Variants in ATE1 observed in about 807,000 individuals in gnomAD.
The protein encoded by ATE1 is arginyltransferase 1, also known as arginyl-tRNA--protein transferase 1.
Under a neutral mutation model 70.5 loss-of-function variants are expected in ATE1, and 36 were observed. That is an observed-to-expected ratio of 0.51 (90% CI 0.39 to 0.67). The LOEUF is 0.67. Among genes scored for constraint, ATE1 ranks in the 30% least tolerant of loss-of-function variants. The pLI, the probability that ATE1 is intolerant of heterozygous loss-of-function variation, is 0.00. For synonymous variants in ATE1, 232 were observed against 219.3 expected (o/e 1.06, Z -0.51); for missense variants, 593 against 629.5 (o/e 0.94, Z 0.62).
At chr10:121,911,224 T>A in intron 4 of ATE1, 73 bp from the exon 5 acceptor site, 1 of 1,530,772 alleles carries the variant, frequency 6.5e-7, no homozygotes, top group Non-Finnish European at 8.8e-7. Flanking sequence ...AGAAATACAA[T>A]GTTCCTATTA....
chr10:121,767,622 T>G (rs1590243015), intron 11 of ATE1, among the ~76,000 whole-genome samples: 1 of 152,292 alleles, frequency 6.6e-6, no homozygotes, highest in Middle Eastern at 3.4e-3. Flanking sequence ...ACTAAGTTTC[T>G]TCGCCAAAGA....
intron 10 of ATE1, among the ~76,000 whole-genome samples, chr10:121,807,877 T>C (rs773211953): frequency 4.4e-4 from 67 of 152,308 alleles, no homozygotes; most frequent in Non-Finnish European, 7.5e-4. Flanking sequence ...TCAATGTCCA[T>C]AGAGAAAGTT....
chr10:121,855,117 T>G (rs1949197560), intron 8 of ATE1, among the ~76,000 whole-genome samples: 1 of 152,154 alleles, frequency 6.6e-6, no homozygotes, highest in Non-Finnish European at 1.5e-5. Context: ...TAAAAGCTTT[T>G]GTATTCAACT....
At chr10:121,911,444 A>T (rs1368213522) in intron 4 of ATE1, among the ~76,000 whole-genome samples, 1 of 111,904 alleles carries the variant, frequency 8.9e-6, no homozygotes, top group Non-Finnish European at 2.2e-5. Flanking sequence ...CAGTAAATTA[A>T]AAAAAAAAAA....
intron 5 of ATE1, among the ~76,000 whole-genome samples, chr10:121,904,669 A>C (rs1338935133): frequency 6.7e-6 from 1 of 148,498 alleles, no homozygotes; most frequent in Admixed American, 6.7e-5. Flanking sequence ...AAAAATCCCA[A>C]AACAGGGTAC....
intron 11 of ATE1, among the ~76,000 whole-genome samples, chr10:121,788,597 C>T (rs995542340): frequency 6.6e-6 from 1 of 152,196 alleles, no homozygotes; most frequent in African/African-American, 2.4e-5. Flanking sequence ...TACTGCGTCC[C>T]TTTCCCCACC....
rs568581394 is a variant in ATE1 at position 121,836,477 on chromosome 10, CT to C, written c.1257+240del. On this transcript the variant is annotated intron_variant, in intron 10 of 11. Coordinates refer to ENST00000224652, the MANE Select transcript of ATE1 (RefSeq NM_001001976.3). ...AGTTTCATTAACGAGAGTCATAAAACTTTTTTTTAAAGGGAAATTCTGAAAT... is the reference window on the plus strand; with the variant it reads ...AGTTTCATTAACGAGAGTCATAAAACTTTTTTTAAAGGGAAATTCTGAAAT... Among the ~76,000 whole-genome samples the C allele has an allele frequency of 2.2e-4, 34 of 152,066 alleles. No individual in the cohort carries two copies. In the East Asian group the frequency reaches 5.8e-3, roughly 26 times the overall value.
intron 11 of ATE1, among the ~76,000 whole-genome samples, chr10:121,767,354 T>C (rs993442120): frequency 1.3e-5 from 2 of 152,322 alleles, no homozygotes; most frequent in African/African-American, 4.8e-5. Context: ...TCTCCTTTCA[T>C]CATTTTTATT....
At chr10:121,871,650 T>C (rs1212711766) in intron 7 of ATE1, among the ~76,000 whole-genome samples, 1 of 151,760 alleles carries the variant, frequency 6.6e-6, no homozygotes, top group Admixed American at 6.6e-5. Context: ...CACTAACACA[T>C]ACCAAAGCCA....
At chr10:121,782,426 C>A (rs1946033071) in intron 11 of ATE1, 1 of 152,172 alleles carries the variant, frequency 6.6e-6, no homozygotes, top group Admixed American at 6.5e-5. Flanking sequence ...TTGCCCCCTT[C>A]TATATGTATT....
At chr10:121,888,803 T>C (rs1382135960) in intron 7 of ATE1, among the ~76,000 whole-genome samples, 1 of 151,992 alleles carries the variant, frequency 6.6e-6, no homozygotes, top group Non-Finnish European at 1.5e-5. Context: ...GCGATGAGAG[T>C]TAACAGTCTA....
chr10:121,847,960 A>G (rs769167147), intron 8 of ATE1, among the ~76,000 whole-genome samples: 4 of 151,642 alleles, frequency 2.6e-5, no homozygotes, highest in Non-Finnish European at 4.4e-5. Context: ...AATCCCAGCT[A>G]CTCGGGAGGC....
intron 4 of ATE1, among the ~76,000 whole-genome samples, chr10:121,912,422 C>T (rs959554684): frequency 1.3e-5 from 2 of 151,540 alleles, no homozygotes; most frequent in Non-Finnish European, 2.9e-5. Context: ...GAGGCCAAGG[C>T]GGGCAGGTCA....
At chr10:121,874,010 A>T (rs1949948693) in intron 7 of ATE1, among the ~76,000 whole-genome samples, 1 of 152,162 alleles carries the variant, frequency 6.6e-6, no homozygotes. Context: ...ATATACTTCC[A>T]GTTATATTTC....
chr10:121,764,153 C>T (rs10788203), intron 11 of ATE1, among the ~76,000 whole-genome samples: 125,352 of 151,480 alleles, frequency 0.83, 52,208 homozygotes, highest in Non-Finnish European at 0.89. Context: ...GGAAGGGCGA[C>T]GGAGGGCAAT....
At chr10:121,743,916 CTTTTTTTTTTTTTTT>C (rs35850942) in intron 11 of ATE1, 58 bp from the exon 12 acceptor site, 1 of 868,912 alleles carries the variant, frequency 1.2e-6, no homozygotes, top group South Asian at 2.0e-5. Context: ...TTTTTGTTTC[CTTTTTTTTTTTTTTT>C]TTTTTTTTGA....
chr10:121,855,046 A>G (rs561569884), intron 8 of ATE1, among the ~76,000 whole-genome samples: 1 of 152,338 alleles, frequency 6.6e-6, no homozygotes, highest in East Asian at 1.9e-4. Context: ...GGAGTTACAC[A>G]GACAGCTTCA....
chr10:121,858,660 A>ATATATATATATTATATATTT (rs138747210), intron 8 of ATE1, among the ~76,000 whole-genome samples: 1 of 139,216 alleles, frequency 7.2e-6, no homozygotes, highest in Non-Finnish European at 1.5e-5. Context: ...TATACATATA[A>ATATATATATATTATATATTT]TATATATATA....
intron 6 of ATE1, among the ~76,000 whole-genome samples, chr10:121,900,843 T>C (rs554769917): frequency 2.8e-4 from 43 of 152,312 alleles, no homozygotes; most frequent in Non-Finnish European, 5.9e-4. Context: ...GCCTCCTGAA[T>C]ACATTACTAT....
Sources: allele counts gnomAD v4.1 joint callset (sites outside exome capture counted in the v4.1 genomes callset), GRCh38; gene constraint gnomAD v4.1.1; transcripts MANE v1.5; gene names NCBI Gene and HGNC (gene_info 2026-07-23, HGNC 2026-07-21).